LHX8: variants seen among roughly 807,000 people sequenced by gnomAD.
LHX8 encodes the protein LIM/homeobox protein Lhx8.
Under a neutral mutation model 40.3 loss-of-function variants are expected in LHX8, and 12 were observed. The observed-to-expected ratio is 0.30, with a 90% CI of 0.19 to 0.48. LHX8 has a LOEUF of 0.48. Ranked by LOEUF, LHX8 falls within the 20% of genes least tolerant of loss-of-function variation. LHX8 has a pLI of 0.99. For missense variants in LHX8, 344 were observed against 433.7 expected, an observed-to-expected ratio of 0.79 and a Z score of 1.84; for synonymous variants, 179 against 162.0, an observed-to-expected ratio of 1.10 and a Z score of -0.80.
At chr1:75,136,733 G>T in intron 2 of LHX8, 44 bp downstream of exon 2, 1 of 1,490,020 alleles carries the variant, frequency 6.7e-7, no homozygotes. Flanking sequence ...TGGCCGTGGG[G>T]AGGCGGCGCA....
chr1:75,141,817 T>C (rs144781372), intron 4 of LHX8, among the ~76,000 whole-genome samples: 3,436 of 152,278 alleles, frequency 0.023, 77 homozygotes, highest in Non-Finnish European at 0.035. Context: ...ACATATTTTC[T>C]TTATTTACTT....
At chr1:75,196,838 A>G in the LHX8 span, among the ~76,000 whole-genome samples, 1 of 152,184 alleles carries the variant, frequency 6.6e-6, no homozygotes, top group African/African-American at 2.4e-5. Context: ...TTGCACATGT[A>G]CAGGCACACG....
the LHX8 span, among the ~76,000 whole-genome samples, chr1:75,178,160 GC>G: frequency 3.9e-5 from 6 of 152,232 alleles, no homozygotes; most frequent in Non-Finnish European, 4.4e-5. Context: ...TCTCTGCCAG[GC>G]CTTGGTATCA....
intron 6 of LHX8, 120 bp downstream of exon 6, chr1:75,144,068 A>G (rs1648396424): frequency 1.3e-6 from 1 of 747,150 alleles, no homozygotes; most frequent in Non-Finnish European, 2.3e-6. Context: ...TATGTGTTTT[A>G]TGAAAACTAA....
upstream of LHX8, chr1:75,132,608 G>A (rs1050778418): frequency 1.3e-5 from 2 of 152,166 alleles, no homozygotes; most frequent in Non-Finnish European, 2.9e-5. Context: ...CTGATTAGGC[G>A]AGGGTGGGTG....
the LHX8 span, among the ~76,000 whole-genome samples, chr1:75,195,995 A>G: frequency 6.6e-6 from 1 of 152,208 alleles, no homozygotes; most frequent in Non-Finnish European, 1.5e-5. Context: ...CTGTGCCTTC[A>G]TGGGACTTAT....
chr1:75,134,854 A>T lies in LHX8; in HGVS notation c.-113A>T. 2 of 935,004 alleles carry T rather than the reference A, an allele frequency of 2.1e-6. No homozygotes were observed. Among genetic ancestry groups the T allele is most frequent in the Non-Finnish European group, 2.6e-6 (2 of 784,152 alleles). The allele number at this position is 935,004 out of a possible 1,614,324, so 57.9% of individuals were successfully genotyped here. Reference sequence around the variant, plus strand: ...TTTTTATTACGTAGTAGCGTTAGTCAGTAATCATTGCACTCCCTCCCCAAA... The same window carrying T: ...TTTTTATTACGTAGTAGCGTTAGTCTGTAATCATTGCACTCCCTCCCCAAA... On this transcript the variant is annotated 5_prime_UTR_variant, in exon 1 of 9. Transcript: ENST00000356261.
At chr1:75,160,337 T>C (rs2100366388) in intron 8 of LHX8, 1 of 158,948 alleles carries the variant, frequency 6.3e-6, no homozygotes, top group East Asian at 1.8e-4. Context: ...TGTACTGTTG[T>C]TGCCATTTAC....
chr1:75,163,421 T>C (rs929210967), downstream of LHX8, among the ~76,000 whole-genome samples: 1 of 152,188 alleles, frequency 6.6e-6, no homozygotes, highest in Non-Finnish European at 1.5e-5. Context: ...GTTTCTATTT[T>C]ATTATTTAGA....
Position 75,148,594 on chromosome 1 carries a change from A to T in LHX8, c.692A>T (p.Gln231Leu). The T allele has an allele frequency of 6.2e-7, 1 of 1,613,292 alleles. No homozygotes were observed. Among genetic ancestry groups the T allele is most frequent in the Non-Finnish European group, 8.5e-7 (1 of 1,179,306 alleles). Residue 231 changes from glutamine to leucine, a missense_variant, in exon 7 of 9, where the codon CAA (glutamine) becomes CTA (leucine). Transcript: ENST00000356261. ...ACATGTTTTAAACAACAGGTTATGC[A>T]AGCACAATTTGCTCAGGACAACAAC... ...SFTADQLQVMQAQFAQDNNPD... is the reference protein window; with the variant it reads ...SFTADQLQVMLAQFAQDNNPD...
At chr1:75,144,336 C>T (rs1201435904) in intron 6 of LHX8, among the ~76,000 whole-genome samples, 1 of 152,086 alleles carries the variant, frequency 6.6e-6, no homozygotes, top group East Asian at 1.9e-4. Flanking sequence ...CCATGTGAGT[C>T]TATGGGACGC....
the LHX8 span, among the ~76,000 whole-genome samples, chr1:75,195,948 G>T: frequency 6.6e-6 from 1 of 152,074 alleles, no homozygotes; most frequent in African/African-American, 2.4e-5. Context: ...CATTTAATAA[G>T]CACCTGTTGT....
At chr1:75,153,337 C>T (rs1648663214) in intron 7 of LHX8, among the ~76,000 whole-genome samples, 1 of 151,742 alleles carries the variant, frequency 6.6e-6, no homozygotes, top group South Asian at 2.1e-4. Flanking sequence ...GACTCCTGAC[C>T]TCGTGATCCA....
the LHX8 span, among the ~76,000 whole-genome samples, chr1:75,174,017 A>G: frequency 6.7e-6 from 1 of 148,534 alleles, no homozygotes; most frequent in Admixed American, 6.6e-5. Flanking sequence ...ATATTCCAAA[A>G]TCTAAAAGAA....
At chr1:75,162,159 A>G (rs893871412), downstream of LHX8, among the ~76,000 whole-genome samples, 1 of 152,212 alleles carries the variant, frequency 6.6e-6, no homozygotes, top group African/African-American at 2.4e-5. Context: ...GTAATCATAA[A>G]TACAACCAGA....
At chr1:75,170,171 AT>A in the LHX8 span, among the ~76,000 whole-genome samples, 1 of 152,196 alleles carries the variant, frequency 6.6e-6, no homozygotes, top group African/African-American at 2.4e-5. Flanking sequence ...CTGGGCTACG[AT>A]TTCTTTTGGA....
chr1:75,173,064 G>T, the LHX8 span, among the ~76,000 whole-genome samples: 1 of 152,172 alleles, frequency 6.6e-6, no homozygotes, highest in African/African-American at 2.4e-5. Context: ...AGTGCTGATT[G>T]TGAGTATGCT....
At chr1:75,163,578 G>C (rs1648973468), downstream of LHX8, among the ~76,000 whole-genome samples, 1 of 152,116 alleles carries the variant, frequency 6.6e-6, no homozygotes, top group African/African-American at 2.4e-5. Flanking sequence ...TAAATATTTA[G>C]ATGGATCTGA....
At chr1:75,196,597 A>G in the LHX8 span, among the ~76,000 whole-genome samples, 1 of 152,174 alleles carries the variant, frequency 6.6e-6, no homozygotes, top group Non-Finnish European at 1.5e-5. Context: ...TCAGTGGTTT[A>G]GGGATATATA....
Sources: gnomAD v4.1 joint callset for allele counts (sites outside exome capture counted in the v4.1 genomes callset) on GRCh38, gnomAD v4.1.1 for gene constraint, MANE v1.5 for transcripts, NCBI Gene and HGNC (gene_info 2026-07-23, HGNC 2026-07-21) for gene names.